Variants in VIT observed in about 807,000 individuals in gnomAD.
VIT encodes the protein vitrin.
A neutral mutation model predicts 78.0 loss-of-function variants in VIT; 99 were observed. The observed-to-expected ratio is 1.27, with a 90% CI of 1.08 to 1.50. The LOEUF is 1.50. VIT is among the 40% of genes most tolerant of loss of function. The pLI is 0.00. For synonymous variants in VIT, 374 were observed against 334.3 expected (o/e 1.12, Z -1.29); for missense variants, 1,126 against 875.3 (o/e 1.29, Z -3.61).
chr2:36,701,825 C>A (rs1227626669), intron 1 of VIT, among the ~76,000 whole-genome samples: 4 of 152,138 alleles, frequency 2.6e-5, no homozygotes, highest in Non-Finnish European at 5.9e-5. Flanking sequence ...ATCTGCACTC[C>A]AAAAGGCAAA....
chr2:36,767,311 T>C, intron 7 of VIT, 26 bp downstream of exon 7: 1 of 1,493,074 alleles, frequency 6.7e-7, no homozygotes, highest in Non-Finnish European at 8.9e-7. Context: ...ATGTGTTGCT[T>C]TGTGCTAGGG....
intron 7 of VIT, among the ~76,000 whole-genome samples, chr2:36,771,347 G>A (rs375548650): frequency 1.3e-5 from 2 of 152,116 alleles, no homozygotes; most frequent in African/African-American, 2.4e-5. Context: ...CCAAGATGGT[G>A]AAACCCCATC....
chr2:36,781,809 C>A (rs747283038), intron 10 of VIT, 38 bp downstream of exon 10: 8 of 1,611,126 alleles, frequency 5.0e-6, no homozygotes, highest in Non-Finnish European at 6.8e-6. Context: ...ACGCGTGGAT[C>A]AAGATGCGCA....
chr2:36,751,274 T>C (rs990346355), intron 4 of VIT, among the ~76,000 whole-genome samples: 4 of 152,136 alleles, frequency 2.6e-5, no homozygotes, highest in Non-Finnish European at 4.4e-5. Context: ...TGGGTGCCTA[T>C]AATGCCAGCT....
Position 36,758,965 on chromosome 2 carries a change from G to C in VIT, c.410-4G>C, listed in dbSNP as rs1282196980. 1.3e-6 allele frequency: 2 copies of C among 1,585,330 alleles called. No homozygotes were observed. The highest frequency in any genetic ancestry group is 8.6e-7 in the Non-Finnish European group (1 of 1,168,114). ...ATCTCGTTTTTTTTTTCTCTTTTTT[G>C]CAGAAAGTAAACCCAAAAAGGGTGT... On this transcript the variant is annotated splice_polypyrimidine_tract_variant and splice_region_variant and intron_variant, in intron 5 of 15. Transcript: ENST00000379242.
chr2:36,701,495 T>C (rs1451491281), intron 1 of VIT, among the ~76,000 whole-genome samples: 1 of 152,258 alleles, frequency 6.6e-6, no homozygotes, highest in African/African-American at 2.4e-5. Flanking sequence ...ATTTCTCAAA[T>C]TCTTTCCTTC....
In VIT at chr2:36,808,570, T is replaced by C; in HGVS notation, c.1488T>C (p.Thr496=). The C allele has an allele frequency of 6.2e-7, 1 of 1,614,144 alleles. No individual in the cohort carries two copies. Among genetic ancestry groups the C allele is most frequent in the Non-Finnish European group, 8.5e-7 (1 of 1,180,046 alleles). ...LQPLVKRVCD[T]DRLACSKTCL... ...CTCTGGTGAAGCGGGTCTGCGACAC[T>C]GACCGCCTGGCCTGCAGCAAGACCT... The change falls in exon 15 of 16, where the codon ACT becomes ACC. Residue 496 remains threonine, a synonymous_variant. Coordinates refer to ENST00000379242, the MANE Select transcript of VIT (RefSeq NM_053276.4).
At chr2:36,736,726 T>A (rs1667530843) in intron 3 of VIT, among the ~76,000 whole-genome samples, 1 of 152,172 alleles carries the variant, frequency 6.6e-6, no homozygotes, top group Non-Finnish European at 1.5e-5. Context: ...CCAATCCCTA[T>A]CCCCAACACA....
Position 36,728,536 on chromosome 2 carries a change from G to A in VIT, c.53-890G>A, listed in dbSNP as rs1351148885. Among the ~76,000 whole-genome samples the A allele has an allele frequency of 2.4e-4, 7 of 29,552 alleles. 1 individual carries two copies. The highest frequency in any genetic ancestry group is 2.1e-3 in the East Asian group (2 of 962). 19.4% of individuals were successfully genotyped at this position (29,552 alleles called of 152,430 possible). ...TTATATTAAAGAAAAAATATTGGCC[G>A]GGCGCGGTGGCTCACGCCTGTAATC... On this transcript the variant is annotated intron_variant, in intron 2 of 15. Coordinates refer to ENST00000379242, the MANE Select transcript of VIT (RefSeq NM_053276.4).
intron 1 of VIT, among the ~76,000 whole-genome samples, chr2:36,714,647 C>A (rs1183454981): frequency 3.3e-5 from 5 of 152,148 alleles, no homozygotes; most frequent in African/African-American, 1.2e-4. Flanking sequence ...AGCAGACCAA[C>A]TTTAAGTCTT....
rs1664718668 is a variant in VIT at position 36,696,967 on chromosome 2, A to C, written c.-25A>C. 3.3e-5 allele frequency: 5 copies of C among 152,218 alleles called. No individual in the cohort carries two copies. The South Asian group carries it at 1.0e-3, about 32-fold the overall frequency. 9.4% of individuals were successfully genotyped at this position (152,218 alleles called of 1,614,324 possible). On this transcript the variant is annotated 5_prime_UTR_variant, in exon 1 of 16. Coordinates refer to ENST00000379242, the MANE Select transcript of VIT (RefSeq NM_053276.4). ...TTTTGAAAAAAAAATTGCCTTCTTCAAACAAGGTATGTCTGATGAATTTCT... is the reference window on the plus strand; with the variant it reads ...TTTTGAAAAAAAAATTGCCTTCTTCCAACAAGGTATGTCTGATGAATTTCT...
intron 13 of VIT, among the ~76,000 whole-genome samples, chr2:36,802,389 C>T (rs773339229): frequency 1.3e-5 from 2 of 152,192 alleles, no homozygotes; most frequent in Admixed American, 6.5e-5. Context: ...GCCACAGTTG[C>T]TTGGCTTAGA....
At chr2:36,810,596 C>T (rs1275940320) in intron 15 of VIT, among the ~76,000 whole-genome samples, 1 of 151,820 alleles carries the variant, frequency 6.6e-6, no homozygotes, top group African/African-American at 2.4e-5. Flanking sequence ...ACAACTCACT[C>T]AGTGCTGTGG....
intron 4 of VIT, among the ~76,000 whole-genome samples, chr2:36,749,132 G>A (rs1668310195): frequency 6.6e-6 from 1 of 152,168 alleles, no homozygotes; most frequent in African/African-American, 2.4e-5. Context: ...TCATGTTCAT[G>A]AAAAGGAATC....
At chr2:36,811,209 C>G (rs1373542419) in intron 15 of VIT, among the ~76,000 whole-genome samples, 1 of 152,190 alleles carries the variant, frequency 6.6e-6, no homozygotes, top group Non-Finnish European at 1.5e-5. Flanking sequence ...CGGATTAAGG[C>G]TCAGAAGCAA....
intron 4 of VIT, among the ~76,000 whole-genome samples, chr2:36,753,686 A>AAACAGC (rs1260786247): frequency 4.6e-5 from 7 of 152,176 alleles, no homozygotes; most frequent in Non-Finnish European, 1.0e-4. Flanking sequence ...TTCTGGGGTG[A>AAACAGC]AACAGCAGCA....
intron 4 of VIT, among the ~76,000 whole-genome samples, chr2:36,750,367 G>T (rs1668382322): frequency 6.6e-6 from 1 of 152,144 alleles, no homozygotes; most frequent in South Asian, 2.1e-4. Flanking sequence ...TGCTGCAAAG[G>T]GTGAGCCTGT....
At chr2:36,705,863 T>C (rs1005695350) in intron 1 of VIT, among the ~76,000 whole-genome samples, 1 of 152,232 alleles carries the variant, frequency 6.6e-6, no homozygotes, top group African/African-American at 2.4e-5. Flanking sequence ...ACTTCTTTGT[T>C]GTGGAGGCTG....
chr2:36,767,037 T>C, intron 6 of VIT, 57 bp from the exon 7 acceptor site: 2 of 1,450,864 alleles, frequency 1.4e-6, no homozygotes, highest in Non-Finnish European at 1.8e-6. Flanking sequence ...TATTTCTAGT[T>C]CTATAAGAGT....
Sources: allele counts gnomAD v4.1 joint callset (sites outside exome capture counted in the v4.1 genomes callset), GRCh38; gene constraint gnomAD v4.1.1; transcripts MANE v1.5; gene names NCBI Gene and HGNC (gene_info 2026-07-23, HGNC 2026-07-21).